The following SHISA3 variants were observed in gnomAD, a reference collection of about 807,000 sequenced individuals.
SHISA3 encodes protein shisa-3 homolog.
SHISA3 carries 15 observed loss-of-function variants against 19.2 expected under a neutral mutation model. The ratio of observed to expected loss-of-function variants is 0.78; its 90% CI spans 0.52 to 1.20. SHISA3 has a LOEUF of 1.20. Among genes scored for constraint, SHISA3 ranks in the 50% most tolerant of loss-of-function variants. SHISA3 has a pLI of 0.00. For missense variants in SHISA3, 327 were observed against 315.7 expected (o/e 1.04, Z -0.27); for synonymous variants, 145 against 135.2 (o/e 1.07, Z -0.50).
At chr4:42,400,923 C>G in intron 1 of SHISA3, 89 bp from the exon 2 acceptor site, 1 of 1,343,914 alleles carries the variant, frequency 7.4e-7, no homozygotes, top group Non-Finnish European at 1.0e-6. Context: ...CTGAGTCTCC[C>G]ACCTCTCAAC....
At position 42,400,294 on chromosome 4, in the gene SHISA3, G is replaced by C. The variant is rs527540376; in HGVS notation, c.278-718G>C. On this transcript the variant is annotated intron_variant, in intron 1 of 1. Transcript: ENST00000319234. ...GCTTTTATAGAAAGTCTGGGCCGTG[G>C]ACACCAAGAATTGCCTGGTGATCTA... 6.6e-5 allele frequency among the ~76,000 whole-genome samples: 10 copies of C among 152,330 alleles called. No homozygotes were observed. In the South Asian group the frequency reaches 2.1e-3, roughly 32 times the overall value.
chr4:42,400,253 G>A (rs1386248387), intron 1 of SHISA3, among the ~76,000 whole-genome samples: 1 of 152,202 alleles, frequency 6.6e-6, no homozygotes, highest in Non-Finnish European at 1.5e-5. Context: ...ATTGGAGTTT[G>A]CTCTGTTTGA....
intron 1 of SHISA3, 22 bp downstream of exon 1, chr4:42,398,355 ACATAT>A: frequency 6.6e-7 from 1 of 1,514,962 alleles, no homozygotes; most frequent in Non-Finnish European, 8.8e-7. Context: ...GCCCTCGGGG[ACATAT>A]CCCCGCCCGC....
Position 42,401,540 on chromosome 4 carries a change from C to A in SHISA3, c.*89C>A. 1 of 1,395,992 alleles carries A rather than the reference C, an allele frequency of 7.2e-7. No homozygotes were observed. Among genetic ancestry groups the A allele is most frequent in the Non-Finnish European group, 9.7e-7 (1 of 1,027,498 alleles). 86.5% of individuals were successfully genotyped at this position (1,395,992 alleles called of 1,614,324 possible). A position where few individuals can be genotyped will look rare whatever the true frequency, so the allele number is the denominator to read the frequency against. On this transcript the variant is annotated 3_prime_UTR_variant, in exon 2 of 2. Transcript: ENST00000319234. ...GCCACATGCAATTCTGAGAAAATTT[C>A]CCTTGTAACTGATCAGTGTCATGGA...
rs1229785686 is a variant in SHISA3 at position 42,401,328 on chromosome 4, C to A, written c.594C>A (p.Thr198=). 7 of 1,614,268 alleles carry A rather than the reference C, an allele frequency of 4.3e-6. No homozygotes were observed. The Admixed American group carries it at 1.2e-4, about 27-fold the overall frequency. ...LVPSPPPPYT[T]SHSIHLAQPS... ...CCTCACCGCCCCCGCCATACACCAC[C>A]AGCCACTCAATCCACCTGGCTCAGC... Residue 198 remains threonine (T), a synonymous_variant, in exon 2 of 2, where the codon ACC becomes ACA. Coordinates refer to ENST00000319234, the MANE Select transcript of SHISA3 (RefSeq NM_001080505.3).
intron 1 of SHISA3, among the ~76,000 whole-genome samples, chr4:42,400,123 A>G (rs1711865323): frequency 6.6e-6 from 1 of 152,200 alleles, no homozygotes; most frequent in Non-Finnish European, 1.5e-5. Context: ...TCTTTCTTCT[A>G]CCTGTAAGCT....
At chr4:42,400,401 G>A (rs1711873095) in intron 1 of SHISA3, among the ~76,000 whole-genome samples, 1 of 152,168 alleles carries the variant, frequency 6.6e-6, no homozygotes. Context: ...AATCTTTCCT[G>A]GAAAGAAGCA....
chr4:42,398,157 T>C lies in SHISA3; in HGVS notation c.101T>C (p.Val34Ala). The change falls in exon 1 of 2, where the codon GTG becomes GCG. Residue 34 changes from valine (V) to alanine (A), a missense_variant. By Grantham distance (64) the Val-to-Ala change is moderately conservative. Transcript: ENST00000319234. The stretch of plus-strand genomic sequence containing the variant: ...GAGTACTGCCACGGCTGGGTGGACG[T>C]GCAGGGCAACTACCACGAGGGCTTC... ...SGEYCHGWVD[V>A]QGNYHEGFQC... 3 of 1,606,324 alleles carry C rather than the reference T, an allele frequency of 1.9e-6. No homozygotes were observed. The highest frequency in any genetic ancestry group is 1.7e-6 in the Non-Finnish European group (2 of 1,176,988).
At chr4:42,399,369 G>A (rs926376626) in intron 1 of SHISA3, among the ~76,000 whole-genome samples, 1 of 152,202 alleles carries the variant, frequency 6.6e-6, no homozygotes, top group Admixed American at 6.5e-5. Context: ...TCCACTAGAG[G>A]GTGAATGTTG....
chr4:42,399,236 G>A (rs943869600), intron 1 of SHISA3, among the ~76,000 whole-genome samples: 2 of 152,180 alleles, frequency 1.3e-5, no homozygotes, highest in African/African-American at 4.8e-5. Context: ...GAGGTCTGGA[G>A]CCCGCAAGAG....
intron 1 of SHISA3, 147 bp from the exon 2 acceptor site, chr4:42,400,865 T>C: frequency 2.6e-6 from 2 of 762,174 alleles, no homozygotes; most frequent in Admixed American, 2.6e-5. Flanking sequence ...ATTTTGGAGG[T>C]TACCATTAAC....
At chr4:42,398,711 T>A (rs945866238) in intron 1 of SHISA3, among the ~76,000 whole-genome samples, 24 of 152,094 alleles carry the variant, frequency 1.6e-4, no homozygotes, top group African/African-American at 5.8e-4. Flanking sequence ...GCCGAGGGTG[T>A]CCCATTGCTC....
intron 1 of SHISA3, among the ~76,000 whole-genome samples, chr4:42,398,797 C>A (rs1290010600): frequency 6.6e-6 from 1 of 151,430 alleles, no homozygotes; most frequent in Non-Finnish European, 1.5e-5. Context: ...TCATTTGCAG[C>A]CCTTCAGGGC....
Position 42,398,020 on chromosome 4 carries a change from G to A in SHISA3, c.-37G>A, listed in dbSNP as rs1186992051. 1.3e-6 allele frequency: 2 copies of A among 1,495,694 alleles called. No homozygotes were observed. Among genetic ancestry groups the A allele is most frequent in the South Asian group, 1.3e-5 (1 of 74,252 alleles). The allele number at this position is 1,495,694 out of a possible 1,614,324, so 92.7% of individuals were successfully genotyped here. A position where few individuals can be genotyped will look rare whatever the true frequency, so the allele number is the denominator to read the frequency against. Reference sequence around the variant, plus strand: ...GGGCTCAGCCCTTCGCTTTCCAGCTGCGTCCTGCTCCCGGCCGCCCAGGGA... The same window carrying A: ...GGGCTCAGCCCTTCGCTTTCCAGCTACGTCCTGCTCCCGGCCGCCCAGGGA... On this transcript the variant is annotated 5_prime_UTR_variant, in exon 1 of 2. Coordinates refer to ENST00000319234, the MANE Select transcript of SHISA3 (RefSeq NM_001080505.3).
Position 42,397,922 on chromosome 4 carries a change from TG to T in SHISA3, c.-133del. ...CGGCCCCTGCTATCCCACGCAGGAC[TG>T]GCTTCGGCCGCCGGGGCCAGCAGCT... On this transcript the variant is annotated 5_prime_UTR_variant, in exon 1 of 2. Coordinates refer to ENST00000319234, the MANE Select transcript of SHISA3 (RefSeq NM_001080505.3). 1.2e-6 allele frequency: 1 copy of T among 823,442 alleles called. No individual in the cohort carries two copies. The highest frequency in any genetic ancestry group is 1.8e-6 in the Non-Finnish European group (1 of 551,838). 51.0% of individuals were successfully genotyped at this position (823,442 alleles called of 1,614,324 possible).
Position 42,398,303 on chromosome 4 carries a change from C to A in SHISA3, c.247C>A (p.Arg83Ser), listed in dbSNP as rs560033511. 8.3e-6 allele frequency: 13 copies of A among 1,561,636 alleles called. No individual in the cohort carries two copies. Among genetic ancestry groups the A allele is most frequent in the African/African-American group, 6.8e-5 (5 of 73,704 alleles). ...LEQGGCTNDR[R>S]ELEHPGITAQ... ...GCAGGGCGGCTGCACCAACGACCGCCGCGAACTGGAGCACCCAGGCATCAC... is the reference window on the plus strand; with the variant it reads ...GCAGGGCGGCTGCACCAACGACCGCAGCGAACTGGAGCACCCAGGCATCAC... The change falls in exon 1 of 2, where the codon CGC (arginine) becomes AGC (serine). Residue 83 changes from arginine to serine, a missense_variant. By Grantham distance (110) the Arg-to-Ser change is moderately radical. Coordinates refer to ENST00000319234, the MANE Select transcript of SHISA3 (RefSeq NM_001080505.3).
intron 1 of SHISA3, among the ~76,000 whole-genome samples, chr4:42,399,726 T>C (rs1711853167): frequency 6.6e-6 from 1 of 152,228 alleles, no homozygotes; most frequent in African/African-American, 2.4e-5. Flanking sequence ...ACTTAACTGC[T>C]CTGGATACCT....
At position 42,398,015 on chromosome 4, in the gene SHISA3, C is replaced by A; in HGVS notation, c.-42C>A. 1 of 1,483,916 alleles carries A rather than the reference C, an allele frequency of 6.7e-7. No individual in the cohort carries two copies. 91.9% of individuals were successfully genotyped at this position (1,483,916 alleles called of 1,614,324 possible). ...AGCCCGGGCTCAGCCCTTCGCTTTC[C>A]AGCTGCGTCCTGCTCCCGGCCGCCC... On this transcript the variant is annotated 5_prime_UTR_variant, in exon 1 of 2. Coordinates refer to ENST00000319234, the MANE Select transcript of SHISA3 (RefSeq NM_001080505.3).
rs1219927445 is a variant in SHISA3 at position 42,402,387 on chromosome 4, A to C, written c.*936A>C. Reference sequence around the variant, plus strand: ...GGTATAATCATCTAATATTATATATATCTCCAGTGCCCCTGAATTTTATGT... The same window carrying C: ...GGTATAATCATCTAATATTATATATCTCTCCAGTGCCCCTGAATTTTATGT... On this transcript the variant is annotated 3_prime_UTR_variant, in exon 2 of 2. Coordinates refer to ENST00000319234, the MANE Select transcript of SHISA3 (RefSeq NM_001080505.3). 1 of 152,208 alleles carries C rather than the reference A, an allele frequency of 6.6e-6. No individual in the cohort carries two copies. Among genetic ancestry groups the C allele is most frequent in the Non-Finnish European group, 1.5e-5 (1 of 68,040 alleles). 9.4% of individuals were successfully genotyped at this position (152,208 alleles called of 1,614,324 possible). A position where few individuals can be genotyped will look rare whatever the true frequency, so the allele number is the denominator to read the frequency against.
Sources: allele counts gnomAD v4.1 joint callset (sites outside exome capture counted in the v4.1 genomes callset), GRCh38; gene constraint gnomAD v4.1.1; transcripts MANE v1.5; gene names NCBI Gene and HGNC (gene_info 2026-07-23, HGNC 2026-07-21).